ELOVL5: variants seen among roughly 807,000 people sequenced by gnomAD.
ELOVL5 encodes the protein very long chain fatty acid elongase 5.
Under a neutral mutation model 38.6 loss-of-function variants are expected in ELOVL5, and 8 were observed. The observed-to-expected ratio is 0.21, with a 90% confidence interval of 0.12 to 0.37. ELOVL5 has a LOEUF of 0.37. ELOVL5 is among the 10% of genes least tolerant of loss of function. The pLI is 1.00. For synonymous variants in ELOVL5, 127 were observed against 133.7 expected, an observed-to-expected ratio of 0.95 and a Z score of 0.34; for missense variants, 280 against 367.8, an observed-to-expected ratio of 0.76 and a Z score of 1.95.
intron 1 of ELOVL5, among the ~76,000 whole-genome samples, chr6:53,325,067 C>T (rs1228705104): frequency 3.9e-5 from 6 of 152,172 alleles, no homozygotes; most frequent in South Asian, 2.1e-4. Context: ...CTAAAAGTCA[C>T]CTGGTCTCCC....
At chr6:53,302,781 A>G (rs1252478729) in intron 1 of ELOVL5, among the ~76,000 whole-genome samples, 1 of 152,196 alleles carries the variant, frequency 6.6e-6, no homozygotes, top group Non-Finnish European at 1.5e-5. Flanking sequence ...CTTCTAAGGC[A>G]GCAGTCAGCT....
chr6:53,340,560 T>C (rs567624237), intron 1 of ELOVL5, among the ~76,000 whole-genome samples: 18 of 152,332 alleles, frequency 1.2e-4, no homozygotes, highest in African/African-American at 3.8e-4. Context: ...AGTTGTATCA[T>C]TTTTTATCTT....
At chr6:53,290,139 C>G (rs1189915744) in intron 3 of ELOVL5, 1 of 152,226 alleles carries the variant, frequency 6.6e-6, no homozygotes, top group Non-Finnish European at 1.5e-5. Context: ...CACTCAGATG[C>G]ACACAGCTGT....
At chr6:53,341,563 T>C (rs556310206) in intron 1 of ELOVL5, among the ~76,000 whole-genome samples, 2 of 152,342 alleles carry the variant, frequency 1.3e-5, no homozygotes, top group East Asian at 1.9e-4. Context: ...TCGTGGGCTT[T>C]TGTGAAGCCA....
intron 1 of ELOVL5, among the ~76,000 whole-genome samples, chr6:53,296,925 T>C (rs1377777083): frequency 6.6e-6 from 1 of 152,256 alleles, no homozygotes; most frequent in Non-Finnish European, 1.5e-5. Context: ...ATGTATTCAC[T>C]GGCTAATTTT....
At chr6:53,299,182 T>G (rs954917166) in intron 1 of ELOVL5, among the ~76,000 whole-genome samples, 7 of 152,174 alleles carry the variant, frequency 4.6e-5, no homozygotes, top group African/African-American at 1.7e-4. Flanking sequence ...AATGATGATA[T>G]GAATATAAGC....
At chr6:53,315,379 G>GA (rs1767987898) in intron 1 of ELOVL5, among the ~76,000 whole-genome samples, 1 of 152,126 alleles carries the variant, frequency 6.6e-6, no homozygotes, top group Admixed American at 6.5e-5. Context: ...TGAATTGAGA[G>GA]TGGGGGGACA....
At chr6:53,344,170 G>C (rs1005548987) in intron 1 of ELOVL5, among the ~76,000 whole-genome samples, 7 of 152,212 alleles carry the variant, frequency 4.6e-5, no homozygotes, top group African/African-American at 1.4e-4. Context: ...TGAAGAGGAG[G>C]AATTGGAAGA....
intron 1 of ELOVL5, among the ~76,000 whole-genome samples, chr6:53,347,533 G>A (rs928308903): frequency 1.3e-5 from 2 of 152,180 alleles, no homozygotes; most frequent in African/African-American, 4.8e-5. Context: ...CAAGCGGTTA[G>A]GAGAATGAGT....
Position 53,311,375 on chromosome 6 carries a change from T to C in ELOVL5, c.-8-15668A>G, listed in dbSNP as rs75574612. On this transcript the variant is annotated intron_variant, in intron 1 of 7. Transcript: ENST00000304434. The stretch of plus-strand genomic sequence containing the variant: ...GAAAGTGAAATACTCAGGCGCTTGC[T>C]GTTGGCGGGACTGTCAAATGGTACA... 1.4e-4 allele frequency among the ~76,000 whole-genome samples: 22 copies of C among 152,342 alleles called. No homozygotes were observed. The East Asian group carries it at 4.1e-3, about 28-fold the overall frequency.
intron 1 of ELOVL5, among the ~76,000 whole-genome samples, chr6:53,299,299 TTTTAA>T (rs1376705982): frequency 6.6e-6 from 1 of 152,246 alleles, no homozygotes; most frequent in Non-Finnish European, 1.5e-5. Context: ...TCATTTCACT[TTTTAA>T]TTAGATCTTT....
intron 3 of ELOVL5, among the ~76,000 whole-genome samples, chr6:53,282,513 C>T (rs1020905699): frequency 3.3e-5 from 5 of 152,218 alleles, no homozygotes; most frequent in East Asian, 1.9e-4. Flanking sequence ...TTCTCCCTAC[C>T]GTGAGGCATT....
chr6:53,309,430 C>T (rs1285935522), intron 1 of ELOVL5, among the ~76,000 whole-genome samples: 1 of 152,136 alleles, frequency 6.6e-6, no homozygotes, highest in Non-Finnish European at 1.5e-5. Context: ...GCTCTATTAT[C>T]ATCAATCCTA....
rs184966169 is a variant in ELOVL5 at position 53,305,959 on chromosome 6, C to A, written c.-8-10252G>T. 3.9e-3 allele frequency among the ~76,000 whole-genome samples: 596 copies of A among 152,058 alleles called. 5 individuals are homozygous for A. Among genetic ancestry groups the A allele is most frequent in the African/African-American group, 0.014 (576 of 41,518 alleles). On this transcript the variant is annotated intron_variant, in intron 1 of 7. Coordinates refer to ENST00000304434, the MANE Select transcript of ELOVL5 (RefSeq NM_021814.5). ...GACTCCGTCTGCAATCCCGGCACCT[C>A]GGGATGCCGAGGCTGGCGGATCACT...
At chr6:53,324,058 G>A (rs961316776) in intron 1 of ELOVL5, among the ~76,000 whole-genome samples, 1 of 151,950 alleles carries the variant, frequency 6.6e-6, no homozygotes, top group African/African-American at 2.4e-5. Context: ...TTCAAGACCA[G>A]CCTGGTCAAC....
In ELOVL5 at chr6:53,284,315, A is replaced by T. The variant is rs550545650; in HGVS notation, c.246+7461T>A. 9.0e-3 allele frequency among the ~76,000 whole-genome samples: 560 copies of T among 62,532 alleles called. 4 individuals carry two copies. Among genetic ancestry groups the T allele is most frequent in the South Asian group, 0.011 (20 of 1,782 alleles). The allele number at this position is 62,532 out of a possible 152,430, so 41.0% of individuals were successfully genotyped here. On this transcript the variant is annotated intron_variant, in intron 3 of 7. Transcript: ENST00000304434. The stretch of plus-strand genomic sequence containing the variant: ...AGCAAGACCATCTTTTTTTTTTTTT[A>T]AAAAAAAAGGTAGAAATAACTCCTG...
At chr6:53,286,570 AAAC>A (rs948007113) in intron 3 of ELOVL5, among the ~76,000 whole-genome samples, 5 of 152,162 alleles carry the variant, frequency 3.3e-5, no homozygotes, top group East Asian at 1.9e-4. Flanking sequence ...CTGTCTCAAA[AAAC>A]AACAACAAAA....
chr6:53,271,387 T>A (rs1332759944), intron 6 of ELOVL5, among the ~76,000 whole-genome samples: 3 of 152,180 alleles, frequency 2.0e-5, no homozygotes, highest in African/African-American at 7.2e-5. Context: ...CTGTCTCTAC[T>A]AAAAATACAA....
rs41273876 is a variant in ELOVL5 at position 53,269,050 on chromosome 6, T to C, written c.*77A>G. 0.013 allele frequency: 19,389 copies of C among 1,534,138 alleles called. 172 individuals carry two copies. Among genetic ancestry groups the C allele is most frequent in the Non-Finnish European group, 0.015 (16,600 of 1,129,516 alleles). On this transcript the variant is annotated 3_prime_UTR_variant, in exon 8 of 8. Coordinates refer to ENST00000304434, the MANE Select transcript of ELOVL5 (RefSeq NM_021814.5). ...TAGGCCAGACTAGTTACAGCAGCTGTTAACGAGCATTGGGGCACAACTCAT... is the reference window on the plus strand; with the variant it reads ...TAGGCCAGACTAGTTACAGCAGCTGCTAACGAGCATTGGGGCACAACTCAT...
Sources: gnomAD v4.1 joint callset for allele counts (sites outside exome capture counted in the v4.1 genomes callset) on GRCh38, gnomAD v4.1.1 for gene constraint, MANE v1.5 for transcripts, NCBI Gene and HGNC (gene_info 2026-07-23, HGNC 2026-07-21) for gene names.